The following LPP variants were observed in gnomAD, a reference collection of about 807,000 sequenced individuals.
LPP encodes lipoma-preferred partner.
A neutral mutation model predicts 60.4 loss-of-function variants in LPP; 38 were observed. The ratio of observed to expected loss-of-function variants is 0.63; its 90% CI spans 0.49 to 0.83. The LOEUF is 0.83. Among genes scored for constraint, LPP ranks in the 40% least tolerant of loss-of-function variants. LPP has a pLI of 0.00. For synonymous variants in LPP, 328 were observed against 290.8 expected (o/e 1.13, Z -1.30); for missense variants, 902 against 783.6 (o/e 1.15, Z -1.80).
chr3:188,325,653 G>A (rs1758225278), intron 2 of LPP, among the ~76,000 whole-genome samples: 1 of 152,196 alleles, frequency 6.6e-6, no homozygotes, highest in African/African-American at 2.4e-5. Context: ...TGAAGATTTA[G>A]TGAGTGTTTG....
chr3:188,727,904 C>A (rs571867875), intron 8 of LPP, among the ~76,000 whole-genome samples: 16 of 152,112 alleles, frequency 1.1e-4, no homozygotes, highest in Non-Finnish European at 2.2e-4. Context: ...AATGAGGATG[C>A]TTTTCTCAAC....
intron 2 of LPP, chr3:188,240,284 G>A (rs186187649): frequency 3.0e-5 from 5 of 168,418 alleles, no homozygotes; most frequent in African/African-American, 9.5e-5. Context: ...GGTAGGAATA[G>A]CTTACAGCTT....
chr3:188,655,113 C>T (rs192636273), intron 7 of LPP, among the ~76,000 whole-genome samples: 107 of 152,236 alleles, frequency 7.0e-4, no homozygotes, highest in African/African-American at 2.5e-3. Context: ...ATGAACTGTT[C>T]TTTAGGCTCA....
At chr3:188,630,019 A>C (rs1847568843) in intron 7 of LPP, among the ~76,000 whole-genome samples, 1 of 152,164 alleles carries the variant, frequency 6.6e-6, no homozygotes, top group Non-Finnish European at 1.5e-5. Flanking sequence ...AAATCTTAGA[A>C]GAAAACCTAG....
At chr3:188,765,861 C>CTTTTTTTTTTTTTTTTTTTTTTTTTTTT (rs71169019) in intron 9 of LPP, among the ~76,000 whole-genome samples, 1 of 92,618 alleles carries the variant, frequency 1.1e-5, no homozygotes. Context: ...ATGTTCAACT[C>CTTTTTTTTTTTTTTTTTTTTTTTTTTTT]TTTTTTTTTT....
At chr3:188,697,067 A>AG (rs1235264766) in intron 7 of LPP, among the ~76,000 whole-genome samples, 1 of 152,212 alleles carries the variant, frequency 6.6e-6, no homozygotes, top group African/African-American at 2.4e-5. Context: ...AAGCAAAAAA[A>AG]CATGTTCTTG....
chr3:188,309,156 G>T (rs1752595456), intron 2 of LPP, among the ~76,000 whole-genome samples: 1 of 151,690 alleles, frequency 6.6e-6, no homozygotes, highest in East Asian at 1.9e-4. Flanking sequence ...CAGTATCTGG[G>T]ATTATAGACG....
At chr3:188,264,280 A>G (rs962203957) in intron 2 of LPP, among the ~76,000 whole-genome samples, 1 of 151,832 alleles carries the variant, frequency 6.6e-6, no homozygotes, top group African/African-American at 2.4e-5. Flanking sequence ...TGAGAGAGAG[A>G]GAGACAGAGA....
In LPP at chr3:188,571,816, T is replaced by C. The variant is rs113506910; in HGVS notation, c.430-37345T>C. Among the ~76,000 whole-genome samples the C allele has an allele frequency of 5.6e-3, 856 of 152,230 alleles. 9 individuals carry two copies. The highest frequency in any genetic ancestry group is 0.02 in the African/African-American group (824 of 41,570). Reference sequence around the variant, plus strand: ...CCTGACTTCAAAATTATTGTAGTAATACAATGCCTACTTCATACAGTTGCG... The same window carrying C: ...CCTGACTTCAAAATTATTGTAGTAACACAATGCCTACTTCATACAGTTGCG... On this transcript the variant is annotated intron_variant, in intron 6 of 11. Transcript: ENST00000617246.
intron 7 of LPP, among the ~76,000 whole-genome samples, chr3:188,631,737 T>G (rs901431803): frequency 7.9e-5 from 12 of 152,268 alleles, no homozygotes; most frequent in African/African-American, 2.9e-4. Context: ...GTCACAGAGC[T>G]AGGACAGTAA....
In LPP at chr3:188,760,104, T is replaced by C. The variant is rs1031990210; in HGVS notation, c.1241-9T>C. The C allele has an allele frequency of 2.5e-6, 4 of 1,613,506 alleles. No individual in the cohort carries two copies. The highest frequency in any genetic ancestry group is 2.7e-5 in the African/African-American group (2 of 74,874). On this transcript the variant is annotated splice_polypyrimidine_tract_variant and intron_variant, in intron 8 of 11. Coordinates refer to ENST00000617246, the MANE Select transcript of LPP (RefSeq NM_001375462.1). ...TTGGTGTGTTCTTATCAAACCCTTT[T>C]TTTTCCAGGCCGCTGTGCTCGCTGT... is the stretch of plus-strand genomic sequence containing the variant.
rs1725450993 is a variant in LPP at position 188,744,424 on chromosome 3, T to G, written c.1241-15689T>G. 2.0e-5 allele frequency among the ~76,000 whole-genome samples: 3 copies of G among 152,200 alleles called. No individual in the cohort carries two copies. The South Asian group carries it at 6.2e-4, about 31-fold the overall frequency. On this transcript the variant is annotated intron_variant, in intron 8 of 11. Transcript: ENST00000617246. Reference sequence around the variant, plus strand: ...ATCTGTCCCCTTCCCGCAACTGCACTGCCAACTGCTGATATCATTTTTTGC... The same window carrying G: ...ATCTGTCCCCTTCCCGCAACTGCACGGCCAACTGCTGATATCATTTTTTGC...
intron 3 of LPP, among the ~76,000 whole-genome samples, chr3:188,399,169 TGGCGG>T (rs1781654165): frequency 6.6e-6 from 1 of 152,194 alleles, no homozygotes; most frequent in South Asian, 2.1e-4. Flanking sequence ...AGTGGGCTCA[TGGCGG>T]AGCCAAGACT....
chr3:188,341,886 G>GT (rs1281763575), intron 3 of LPP, among the ~76,000 whole-genome samples, 167 bp downstream of exon 3: 4 of 152,142 alleles, frequency 2.6e-5, no homozygotes, highest in East Asian at 3.8e-4. Flanking sequence ...TTTTATTTTT[G>GT]TTTTTTTGAT....
chr3:188,257,033 C>T (rs545593394), intron 2 of LPP, among the ~76,000 whole-genome samples: 2 of 152,186 alleles, frequency 1.3e-5, no homozygotes, highest in Admixed American at 6.5e-5. Flanking sequence ...GGCATAGAGA[C>T]GTGATGGGCA....
Position 188,881,788 on chromosome 3 carries a change from C to T in LPP, c.*7309C>T, listed in dbSNP as rs115856733. 1,402 of 219,958 alleles carry T rather than the reference C, an allele frequency of 6.4e-3. 21 individuals are homozygous for T. The highest frequency in any genetic ancestry group is 0.03 in the African/African-American group (1,326 of 44,764). 13.6% of individuals were successfully genotyped at this position (219,958 alleles called of 1,614,324 possible). A position where few individuals can be genotyped will look rare whatever the true frequency, so the allele number is the denominator to read the frequency against. On this transcript the variant is annotated 3_prime_UTR_variant, in exon 12 of 12. Transcript: ENST00000617246. ...TCTTCAGAATAAGACATTTTTCCTC[C>T]ATATTTTCATATTAAATATTAACAC... is the stretch of plus-strand genomic sequence containing the variant.
At chr3:188,576,616 T>C (rs1039896598) in intron 6 of LPP, among the ~76,000 whole-genome samples, 2 of 152,150 alleles carry the variant, frequency 1.3e-5, no homozygotes, top group Non-Finnish European at 2.9e-5. Flanking sequence ...CTGTCTTCTG[T>C]ATCGCAGAAA....
intron 2 of LPP, among the ~76,000 whole-genome samples, chr3:188,323,573 G>A (rs1447298684): frequency 1.3e-5 from 2 of 152,222 alleles, no homozygotes; most frequent in African/African-American, 2.4e-5. Flanking sequence ...AGAGACATGA[G>A]TCTGAGCATG....
intron 6 of LPP, among the ~76,000 whole-genome samples, chr3:188,527,129 T>C (rs1338800688): frequency 6.6e-6 from 1 of 152,016 alleles, no homozygotes; most frequent in Non-Finnish European, 1.5e-5. Flanking sequence ...TTTGAAGGCT[T>C]GGAGTAGAAT....
Sources: allele counts gnomAD v4.1 joint callset (sites outside exome capture counted in the v4.1 genomes callset), GRCh38; gene constraint gnomAD v4.1.1; transcripts MANE v1.5; gene names NCBI Gene and HGNC (gene_info 2026-07-23, HGNC 2026-07-21).